The following ESRRB variants were observed in gnomAD, a reference collection of about 807,000 sequenced individuals.
The protein encoded by ESRRB is steroid hormone receptor ERR2.
ESRRB carries 16 observed loss-of-function variants against 46.0 expected under a neutral mutation model. The ratio of observed to expected loss-of-function variants is 0.35; its 90% CI spans 0.24 to 0.53. The LOEUF is 0.53. Ranked by LOEUF, ESRRB falls within the 20% of genes least tolerant of loss-of-function variation. The pLI, the probability that ESRRB is intolerant of heterozygous loss-of-function variation, is 0.93. For synonymous variants in ESRRB, 246 were observed against 259.6 expected (o/e 0.95, Z 0.50); for missense variants, 488 against 607.4 (o/e 0.80, Z 2.07).
intron 1 of ESRRB, among the ~76,000 whole-genome samples, chr14:76,419,711 T>A: frequency 6.6e-6 from 1 of 152,094 alleles, no homozygotes; most frequent in East Asian, 1.9e-4. Flanking sequence ...TCACAATAAC[T>A]CCATGAGTTA....
At chr14:76,399,086 T>C (rs1885823932) in intron 1 of ESRRB, among the ~76,000 whole-genome samples, 1 of 152,180 alleles carries the variant, frequency 6.6e-6, no homozygotes. Flanking sequence ...GGCTGCAGCC[T>C]GCCTTTTTTG....
At chr14:76,371,842 G>T (rs1409878413), upstream of ESRRB, among the ~76,000 whole-genome samples, 1 of 152,176 alleles carries the variant, frequency 6.6e-6, no homozygotes, top group African/African-American at 2.4e-5. Flanking sequence ...CTGCTAAGTT[G>T]CCTGGCTTGA....
chr14:76,314,894 G>C (rs1883779873), intron 1 of ESRRB, among the ~76,000 whole-genome samples: 1 of 152,034 alleles, frequency 6.6e-6, no homozygotes, highest in Non-Finnish European at 1.5e-5. Context: ...AGCTTGGAAA[G>C]GGAGGGCAGG....
intron 1 of ESRRB, among the ~76,000 whole-genome samples, chr14:76,418,129 T>G (rs1183405192): frequency 6.6e-6 from 1 of 151,966 alleles, no homozygotes; most frequent in Non-Finnish European, 1.5e-5. Context: ...CTAATTTTTG[T>G]ATTTTTAGTA....
chr14:76,432,147 G>T (rs572170924), intron 1 of ESRRB, among the ~76,000 whole-genome samples: 4 of 152,120 alleles, frequency 2.6e-5, no homozygotes, highest in Non-Finnish European at 4.4e-5. Flanking sequence ...CAGCAGTTTT[G>T]CTCCCAGGGA....
At chr14:76,395,587 T>G (rs1885644616) in intron 1 of ESRRB, among the ~76,000 whole-genome samples, 1 of 152,132 alleles carries the variant, frequency 6.6e-6, no homozygotes, top group East Asian at 1.9e-4. Flanking sequence ...TGGCCTCATC[T>G]GAAAAGTGGG....
chr14:76,483,546 G>A (rs2140034024), intron 5 of ESRRB, among the ~76,000 whole-genome samples: 1 of 152,296 alleles, frequency 6.6e-6, no homozygotes, highest in African/African-American at 2.4e-5. Context: ...ACCCTCTCTA[G>A]GTCTGGGCAG....
intron 5 of ESRRB, among the ~76,000 whole-genome samples, chr14:76,489,101 T>G (rs2140045039): frequency 6.6e-6 from 1 of 152,140 alleles, no homozygotes; most frequent in African/African-American, 2.4e-5. Context: ...ACAGGGGACT[T>G]TTCCCCTGCG....
rs565342821 is a variant in ESRRB at position 76,485,553 on chromosome 14, A to G, written c.850+2794A>G. On this transcript the variant is annotated intron_variant, in intron 5 of 6. Transcript: ENST00000644823. ...CACCGTGCCTGGCCAGGTGCCTGAT[A>G]TTTTTAAACTAATCAACTTAATCCC... 5.3e-5 allele frequency among the ~76,000 whole-genome samples: 8 copies of G among 151,994 alleles called. No homozygotes were observed. The South Asian group carries it at 1.7e-3, about 32-fold the overall frequency.
At chr14:76,363,114 A>G (rs1458305018) in intron 1 of ESRRB, among the ~76,000 whole-genome samples, 1 of 152,176 alleles carries the variant, frequency 6.6e-6, no homozygotes, top group Admixed American at 6.5e-5. Context: ...CTAGGTTGAG[A>G]ATCCAAGGAA....
In ESRRB at chr14:76,433,962, A is replaced by ATT. The variant is rs35905714; in HGVS notation, c.51-5362_51-5361dup. 5.4e-3 allele frequency among the ~76,000 whole-genome samples: 714 copies of ATT among 132,986 alleles called. 6 individuals carry two copies. Among genetic ancestry groups the ATT allele is most frequent in the Middle Eastern group, 0.012 (3 of 260 alleles). 87.2% of individuals were successfully genotyped at this position (132,986 alleles called of 152,430 possible). On this transcript the variant is annotated intron_variant, in intron 1 of 6. Coordinates refer to ENST00000644823, the MANE Select transcript of ESRRB (RefSeq NM_001379180.1). ...TTCTTTCCCTCTGTCCTGCCTTTAC[A>ATT]TTTTTTTTTTTTTTTTTTGAGACGG...
intron 6 of ESRRB, 27 bp downstream of exon 6, chr14:76,491,743 G>A (rs1466132454): frequency 1.3e-6 from 2 of 1,556,016 alleles, no homozygotes; most frequent in Non-Finnish European, 1.7e-6. Context: ...GGCCTGGAAG[G>A]GGAGCTTCTA....
chr14:76,403,732 CT>C (rs550927203), intron 1 of ESRRB, among the ~76,000 whole-genome samples: 40 of 146,934 alleles, frequency 2.7e-4, no homozygotes, highest in Middle Eastern at 3.5e-3. Flanking sequence ...GCAGGACCAT[CT>C]TTTTTTTTTT....
chr14:76,417,854 G>A (rs1886770663), intron 1 of ESRRB, among the ~76,000 whole-genome samples: 1 of 152,026 alleles, frequency 6.6e-6, no homozygotes, highest in Non-Finnish European at 1.5e-5. Context: ...CACTGGAGAA[G>A]CAGGTGCCTC....
At chr14:76,335,229 A>G (rs1284089460) in intron 1 of ESRRB, among the ~76,000 whole-genome samples, 2 of 152,170 alleles carry the variant, frequency 1.3e-5, no homozygotes, top group East Asian at 3.8e-4. Context: ...TTTTCCGCCA[A>G]CATTACTCAT....
At chr14:76,433,165 G>C (rs567568408) in intron 1 of ESRRB, among the ~76,000 whole-genome samples, 1 of 152,082 alleles carries the variant, frequency 6.6e-6, no homozygotes, top group African/African-American at 2.4e-5. Flanking sequence ...AAAATATGAC[G>C]TCAGTGGGAT....
rs775825368 is a variant in ESRRB at position 76,439,474 on chromosome 14, G to A, written c.184G>A (p.Ala62Thr). The A allele has an allele frequency of 2.5e-5, 40 of 1,612,032 alleles. No individual in the cohort carries two copies. The East Asian group carries it at 3.3e-4, about 13-fold the overall frequency. The change falls in exon 2 of 7, where the codon GCC becomes ACC. Residue 62 changes from alanine (A) to threonine (T), a missense_variant. Physicochemically the swap from Ala to Thr is moderately conservative, Grantham distance 58. Transcript: ENST00000644823. ...SHHSPSGSSD[A>T]SGGFGLALGT... The stretch of plus-strand genomic sequence containing the variant: ...CCACAGCCCCAGTGGCTCGTCCGAC[G>A]CCAGCGGCGGCTTTGGCCTGGCCCT...
At chr14:76,353,294 A>G (rs1031635699) in intron 1 of ESRRB, among the ~76,000 whole-genome samples, 2 of 151,778 alleles carry the variant, frequency 1.3e-5, no homozygotes, top group Admixed American at 6.6e-5. Context: ...ACAGTCCCCA[A>G]CCCCACCACT....
At position 76,426,558 on chromosome 14, in the gene ESRRB, C is replaced by T. The variant is rs533080380; in HGVS notation, c.51-12783C>T. 4.6e-5 allele frequency among the ~76,000 whole-genome samples: 7 copies of T among 152,312 alleles called. No homozygotes were observed. The South Asian group carries it at 1.5e-3, about 32-fold the overall frequency. Reference sequence around the variant, plus strand: ...AACCACTAATTAAATTAAACTAAGACATGCCATTGATTTCAGGTGAATTCT... The same window carrying T: ...AACCACTAATTAAATTAAACTAAGATATGCCATTGATTTCAGGTGAATTCT... On this transcript the variant is annotated intron_variant, in intron 1 of 6. Transcript: ENST00000644823.
Sources: gnomAD v4.1 joint callset for allele counts (sites outside exome capture counted in the v4.1 genomes callset) on GRCh38, gnomAD v4.1.1 for gene constraint, MANE v1.5 for transcripts, NCBI Gene and HGNC (gene_info 2026-07-23, HGNC 2026-07-21) for gene names.